PCDHA1: variants seen among roughly 807,000 people sequenced by gnomAD.
PCDHA1 encodes protocadherin alpha-1.
Under a neutral mutation model 61.3 loss-of-function variants are expected in PCDHA1, and 42 were observed. That is an observed-to-expected ratio of 0.69 (90% CI 0.54 to 0.89). The LOEUF (loss-of-function observed/expected upper bound fraction) is 0.89. Among genes scored for constraint, PCDHA1 ranks in the 40% least tolerant of loss-of-function variants. PCDHA1 has a pLI of 0.00. For missense variants in PCDHA1, 1,256 were observed against 1,235.3 expected, an observed-to-expected ratio of 1.02 and a Z score of -0.25; for synonymous variants, 610 against 553.8, an observed-to-expected ratio of 1.10 and a Z score of -1.43.
At chr5:140,796,023 G>GTC in intron 1 of PCDHA1, 1 of 1,614,070 alleles carries the variant, frequency 6.2e-7, no homozygotes, top group Admixed American at 1.7e-5. Flanking sequence ...TCTCAATAAC[G>GTC]TCTCTCTCAC....
chr5:140,936,619 T>C (rs2153629684), intron 1 of PCDHA1, among the ~76,000 whole-genome samples: 1 of 152,366 alleles, frequency 6.6e-6, no homozygotes, highest in East Asian at 1.9e-4. Context: ...TACTGTGCAG[T>C]GCTACCTTTG....
chr5:140,787,238 C>T lies in PCDHA1; in HGVS notation c.948C>T (p.Tyr316=), dbSNP rs777052158. 1.2e-6 allele frequency: 2 copies of T among 1,613,984 alleles called. No individual in the cohort carries two copies. The highest frequency in any genetic ancestry group is 1.7e-6 in the Non-Finnish European group (2 of 1,180,010). The stretch of plus-strand genomic sequence containing the variant: ...TGGATTATGAAGAAACAAAATCCTA[C>T]GAAATTCAAGTAAAGGCAGTTGATA... ...DKLDYEETKS[Y]EIQVKAVDKG... The change falls in exon 1 of 4, where the codon TAC becomes TAT. Residue 316 remains tyrosine, a synonymous_variant. Transcript: ENST00000504120.
At chr5:140,875,202 C>A in intron 1 of PCDHA1, 1 of 611,450 alleles carries the variant, frequency 1.6e-6, no homozygotes, top group Non-Finnish European at 2.5e-6. Context: ...CAGGAAGTGG[C>A]TAAACCGAAA....
chr5:140,911,134 C>T (rs2075341856), intron 1 of PCDHA1, among the ~76,000 whole-genome samples: 1 of 152,108 alleles, frequency 6.6e-6, no homozygotes. Context: ...TCAGGCAGTG[C>T]AGGGTTTTTC....
At chr5:140,794,270 C>T (rs1761845885) in intron 1 of PCDHA1, among the ~76,000 whole-genome samples, 2 of 152,162 alleles carry the variant, frequency 1.3e-5, no homozygotes, top group South Asian at 2.1e-4. Flanking sequence ...ATAAACAAAA[C>T]GTGGTGTATA....
chr5:140,942,769 T>A (rs1554215212), intron 1 of PCDHA1, among the ~76,000 whole-genome samples: 1 of 152,202 alleles, frequency 6.6e-6, no homozygotes, highest in Non-Finnish European at 1.5e-5. Flanking sequence ...GCATAATGTA[T>A]TTTTAGGCAG....
chr5:140,908,431 G>A (rs949756474), intron 1 of PCDHA1, among the ~76,000 whole-genome samples: 4 of 152,152 alleles, frequency 2.6e-5, no homozygotes, highest in Non-Finnish European at 5.9e-5. Context: ...GCTGCTGTGC[G>A]CACCCCACTT....
At chr5:140,849,350 T>C in intron 1 of PCDHA1, 1 of 1,437,842 alleles carries the variant, frequency 7.0e-7, no homozygotes, top group Non-Finnish European at 9.5e-7. Flanking sequence ...CCAGTGATGT[T>C]TCTCCAGATA....
At chr5:140,927,118 G>A in intron 1 of PCDHA1, 2 of 1,613,946 alleles carry the variant, frequency 1.2e-6, no homozygotes, top group Non-Finnish European at 1.7e-6. Context: ...CGGCAATTTG[G>A]TGGTCAGAGA....
intron 1 of PCDHA1, among the ~76,000 whole-genome samples, chr5:140,840,143 C>A (rs1776577709): frequency 2.6e-5 from 4 of 151,842 alleles, no homozygotes; most frequent in Admixed American, 2.6e-4. Flanking sequence ...GAAATTATCA[C>A]ACGTGAAAGG....
chr5:140,848,532 C>T, intron 1 of PCDHA1: 2 of 1,594,974 alleles, frequency 1.3e-6, no homozygotes, highest in Non-Finnish European at 1.7e-6. Context: ...AGAGGGTCAG[C>T]CTCTACTGCT....
intron 1 of PCDHA1, chr5:140,797,024 C>A (rs556764988): frequency 6.2e-7 from 1 of 1,613,746 alleles, no homozygotes; most frequent in African/African-American, 1.3e-5. Context: ...GTGGGCGCCG[C>A]GGGCTCAGAG....
At chr5:140,916,367 CT>C (rs1359695566) in intron 1 of PCDHA1, among the ~76,000 whole-genome samples, 1 of 152,196 alleles carries the variant, frequency 6.6e-6, no homozygotes, top group Non-Finnish European at 1.5e-5. Flanking sequence ...GAGTCTTTCA[CT>C]GTAGCCACCA....
chr5:140,833,252 G>A (rs1554133803), intron 1 of PCDHA1, among the ~76,000 whole-genome samples: 2 of 152,156 alleles, frequency 1.3e-5, no homozygotes, highest in African/African-American at 4.8e-5. Flanking sequence ...AATACACCAG[G>A]AGAGCAGCAA....
chr5:140,797,461 TCCTA>T (rs1554120447), intron 1 of PCDHA1: 2 of 1,272,268 alleles, frequency 1.6e-6, no homozygotes, highest in Non-Finnish European at 1.1e-6. Context: ...TTTTATATCA[TCCTA>T]CCGTGCGATT....
intron 1 of PCDHA1, chr5:140,821,650 T>G: frequency 9.2e-7 from 1 of 1,090,350 alleles, no homozygotes; most frequent in Non-Finnish European, 1.3e-6. Context: ...AACCTTCCAT[T>G]TTTGGCTGTG....
In PCDHA1 at chr5:140,900,436, G is replaced by C. The variant is rs553121120; in HGVS notation, c.2395-78513G>C. 8.5e-5 allele frequency among the ~76,000 whole-genome samples: 13 copies of C among 152,126 alleles called. No individual in the cohort carries two copies. The East Asian group carries it at 2.5e-3, about 30-fold the overall frequency. ...GGGATTATAGGCACGTGCCACCACG[G>C]CCGGCTAATTTTTTATTTTTAGTAG... On this transcript the variant is annotated intron_variant, in intron 1 of 3. Transcript: ENST00000504120.
chr5:140,797,945 C>T (rs529724785), intron 1 of PCDHA1, among the ~76,000 whole-genome samples: 97 of 152,220 alleles, frequency 6.4e-4, no homozygotes, highest in Admixed American at 1.3e-3. Context: ...CTCTGCCACC[C>T]GGGTTCAAGT....
rs1462723431 is a variant in PCDHA1, at chr5:140,787,462, C to T, written c.1172C>T (p.Pro391Leu). The T allele has an allele frequency of 6.2e-7, 1 of 1,614,220 alleles. No homozygotes were observed. The highest frequency in any genetic ancestry group is 1.7e-5 in the Admixed American group (1 of 60,028). Reference sequence around the variant, plus strand: ...GGGCAGGTGACTTGCTCCTTAATGCCCCACGTCCCCTTCAAGCTGGTGTCC... The same window carrying T: ...GGGCAGGTGACTTGCTCCTTAATGCTCCACGTCCCCTTCAAGCTGGTGTCC... Reference protein sequence around the residue: ...ANGQVTCSLMPHVPFKLVSTF... With the variant: ...ANGQVTCSLMLHVPFKLVSTF... The change falls in exon 1 of 4, where the codon CCC becomes CTC. Residue 391 changes from proline to leucine, a missense_variant. Transcript: ENST00000504120.
Sources: allele counts gnomAD v4.1 joint callset (sites outside exome capture counted in the v4.1 genomes callset), GRCh38; gene constraint gnomAD v4.1.1; transcripts MANE v1.5; gene names NCBI Gene and HGNC (gene_info 2026-07-23, HGNC 2026-07-21).